Variants in TENM2 observed in about 807,000 individuals in gnomAD.
TENM2 encodes teneurin-2.
Under a neutral mutation model 245.2 loss-of-function variants are expected in TENM2, and 52 were observed. The observed-to-expected ratio is 0.21, with a 90% CI of 0.17 to 0.27. The LOEUF is 0.27. Ranked by LOEUF, TENM2 falls within the 10% of genes least tolerant of loss-of-function variation. The pLI is 1.00. For missense variants in TENM2, 3,046 were observed against 3,666.8 expected (o/e 0.83, Z 4.37); for synonymous variants, 1,363 against 1,438.9 (o/e 0.95, Z 1.19).
Position 167,979,563 on chromosome 5 carries a change from G to T in TENM2, c.948-13381G>T, listed in dbSNP as rs74917362. ...GGGTTGCTGTGGGAAGAAAGAAGGG[G>T]ATAGGGCTGCAAAATACAGAGCATC... On this transcript the variant is annotated intron_variant, in intron 4 of 28. Transcript: ENST00000518659. 3.9e-3 allele frequency among the ~76,000 whole-genome samples: 600 copies of T among 152,286 alleles called. 24 individuals are homozygous for T. The East Asian group carries it at 0.11, about 28-fold the overall frequency.
intron 10 of TENM2, among the ~76,000 whole-genome samples, chr5:168,121,552 G>A (rs950695709): frequency 6.6e-6 from 1 of 152,132 alleles, no homozygotes; most frequent in Non-Finnish European, 1.5e-5. Flanking sequence ...TTTTTTGATG[G>A]CATTCTAGTA....
the TENM2 span, among the ~76,000 whole-genome samples, chr5:167,252,956 A>G: frequency 6.6e-6 from 1 of 152,156 alleles, no homozygotes; most frequent in South Asian, 2.1e-4. Context: ...GAAGTATAAT[A>G]TAAATGATCT....
At chr5:166,979,198 CAGCAGCAG>C in the TENM2 span, among the ~76,000 whole-genome samples, 77 of 38,894 alleles carry the variant, frequency 2.0e-3, no homozygotes, top group Middle Eastern at 0.016. Flanking sequence ...CCACCACCAG[CAGCAGCAG>C]CAGCAGCAGC....
intron 2 of TENM2, among the ~76,000 whole-genome samples, chr5:167,734,453 TATTA>T (rs1186284940): frequency 6.7e-6 from 1 of 148,610 alleles, no homozygotes; most frequent in East Asian, 1.9e-4. Context: ...TAAATAACTA[TATTA>T]ATTAGATATA....
intron 2 of TENM2, among the ~76,000 whole-genome samples, chr5:167,784,226 G>A (rs1764407856): frequency 6.6e-6 from 1 of 152,164 alleles, no homozygotes; most frequent in Non-Finnish European, 1.5e-5. Context: ...CTTAATCTCT[G>A]CAGCTTCAGT....
At chr5:168,226,226 C>T (rs2152589762) in exon 24 of TENM2, 1 of 1,613,568 alleles carries the variant, frequency 6.2e-7, no homozygotes, top group African/African-American at 1.3e-5. Context: ...TCATCACCAA[C>T]CTCTCTTCAG....
chr5:167,746,675 C>G (rs1363053551), intron 2 of TENM2, among the ~76,000 whole-genome samples: 3 of 117,096 alleles, frequency 2.6e-5, no homozygotes, highest in Non-Finnish European at 3.6e-5. Flanking sequence ...AAATTACCAA[C>G]AGAGAGAGAG....
Position 167,930,453 on chromosome 5 carries a change from TTTTA to T in TENM2, c.713-22100_713-22097del, listed in dbSNP as rs142148292. Among the ~76,000 whole-genome samples, 978 of 148,194 alleles carry T rather than the reference TTTTA, an allele frequency of 6.6e-3. 9 individuals are homozygous for T. Among genetic ancestry groups the T allele is most frequent in the African/African-American group, 0.021 (863 of 40,158 alleles). On this transcript the variant is annotated intron_variant, in intron 3 of 28. Coordinates refer to ENST00000518659, the Ensembl canonical transcript of TENM2. ...TAAATTAGCTGAGCTTTTCTTAGAA[TTTTA>T]TTTATTTATTTATTTATTTATTTAT...
At chr5:167,612,260 A>G (rs975770878) in intron 2 of TENM2, among the ~76,000 whole-genome samples, 3 of 152,024 alleles carry the variant, frequency 2.0e-5, no homozygotes, top group Non-Finnish European at 4.4e-5. Flanking sequence ...CCACCCCTTC[A>G]TTACTAACCT....
rs531917352 is a variant in TENM2, at chr5:167,329,867, T to C, written c.226+44804T>C. On this transcript the variant is annotated intron_variant, in intron 1 of 28. Coordinates refer to ENST00000518659, the Ensembl canonical transcript of TENM2. ...TCTCATTAAGACAATTTCTTTAGTTTTTCATATCCCTAATTCCTCATAAAG... is the reference window on the plus strand; with the variant it reads ...TCTCATTAAGACAATTTCTTTAGTTCTTCATATCCCTAATTCCTCATAAAG... Among the ~76,000 whole-genome samples the C allele has an allele frequency of 2.6e-5, 4 of 152,308 alleles. 1 individual carries two copies. In the South Asian group the frequency reaches 8.3e-4, roughly 32 times the overall value.
At chr5:167,625,977 G>A (rs1386544144) in intron 2 of TENM2, among the ~76,000 whole-genome samples, 5 of 152,106 alleles carry the variant, frequency 3.3e-5, no homozygotes, top group Admixed American at 3.3e-4. Context: ...CAAGAGAAAA[G>A]AAGAAGACAT....
chr5:167,803,340 T>C lies in TENM2; in HGVS notation c.503-72646T>C, dbSNP rs982336045. Among the ~76,000 whole-genome samples the C allele has an allele frequency of 2.6e-5, 4 of 152,200 alleles. No homozygotes were observed. In the East Asian group the frequency reaches 7.7e-4, roughly 29 times the overall value. ...CTCTGCTCCTTTGAACAGATAGAAA[T>C]TTGAGAGTAGGTTTTGGTAAGTGGG... On this transcript the variant is annotated intron_variant, in intron 2 of 28. Transcript: ENST00000518659.
At chr5:167,443,744 T>C (rs1764995126) in intron 2 of TENM2, among the ~76,000 whole-genome samples, 1 of 152,192 alleles carries the variant, frequency 6.6e-6, no homozygotes, top group African/African-American at 2.4e-5. Context: ...ATTTAAACCA[T>C]GTATTTTGTT....
At chr5:167,572,529 A>C (rs1194594449) in intron 2 of TENM2, among the ~76,000 whole-genome samples, 1 of 152,148 alleles carries the variant, frequency 6.6e-6, no homozygotes, top group Admixed American at 6.5e-5. Flanking sequence ...TTCACTTACT[A>C]CTGTTTTAGC....
chr5:167,472,987 G>A (rs796349135), intron 2 of TENM2, among the ~76,000 whole-genome samples: 4 of 152,002 alleles, frequency 2.6e-5, no homozygotes, highest in Non-Finnish European at 5.9e-5. Context: ...AACAAATTGG[G>A]GTGGGAATTG....
chr5:168,048,317 C>T (rs1030991486), intron 6 of TENM2, among the ~76,000 whole-genome samples: 2 of 152,026 alleles, frequency 1.3e-5, no homozygotes, highest in Non-Finnish European at 2.9e-5. Context: ...ATGCTTAATT[C>T]GGGATGGAAA....
At chr5:167,318,588 G>A (rs1756522632) in intron 1 of TENM2, among the ~76,000 whole-genome samples, 1 of 152,108 alleles carries the variant, frequency 6.6e-6, no homozygotes, top group Non-Finnish European at 1.5e-5. Flanking sequence ...TTAACTTTAA[G>A]GCCTTCACTG....
At chr5:167,141,185 G>A in the TENM2 span, among the ~76,000 whole-genome samples, 1 of 152,144 alleles carries the variant, frequency 6.6e-6, no homozygotes, top group Non-Finnish European at 1.5e-5. Context: ...TCATGCATAC[G>A]CAGCTCTATT....
chr5:168,005,025 T>C (rs1312908104), intron 5 of TENM2, among the ~76,000 whole-genome samples: 1 of 152,182 alleles, frequency 6.6e-6, no homozygotes, highest in Non-Finnish European at 1.5e-5. Flanking sequence ...TCTCATGAAC[T>C]CTGCCATGTC....
Sources: allele counts gnomAD v4.1 joint callset (sites outside exome capture counted in the v4.1 genomes callset), GRCh38; gene constraint gnomAD v4.1.1; transcripts MANE v1.5; gene names NCBI Gene and HGNC (gene_info 2026-07-23, HGNC 2026-07-21).